The following IFT172 variants were observed in gnomAD, a reference collection of about 807,000 sequenced individuals.
The protein encoded by IFT172 is intraflagellar transport protein 172 homolog.
IFT172 carries 164 observed loss-of-function variants against 248.9 expected under a neutral mutation model. That is an observed-to-expected ratio of 0.66 (90% confidence interval 0.58 to 0.75). The LOEUF (loss-of-function observed/expected upper bound fraction) is 0.75. IFT172 is among the 30% of genes least tolerant of loss of function. The probability of loss-of-function intolerance (pLI) is 0.00; values close to 1 mark genes in which losing one functional copy is unlikely to be tolerated. For missense variants in IFT172, 1,950 were observed against 2,192.4 expected (o/e 0.89, Z 2.21); for synonymous variants, 729 against 791.6 (o/e 0.92, Z 1.33).
At chr2:27,464,522 T>C in intron 18 of IFT172, among the ~76,000 whole-genome samples, 1 of 151,972 alleles carries the variant, frequency 6.6e-6, no homozygotes. Flanking sequence ...ATTATACACA[T>C]ATGCATAGAT....
rs182323013 is a variant in IFT172, at chr2:27,485,081, G to A, written c.233C>T (p.Ser78Phe). Reference protein sequence around the residue: ...MVKGMAFSPDSTKIAIGQTDN... With the variant: ...MVKGMAFSPDFTKIAIGQTDN... ...AGTCTGTCCTATGGCAATTTTAGTG[G>A]AATCAGGAGAAAAAGCCATGCCCTT... Residue 78 changes from serine (S) to phenylalanine (F), a missense_variant, in exon 3 of 48, where the codon TCC becomes TTC. Ser to Phe is a radical substitution (Grantham distance 155, BLOSUM62 -2). Transcript: ENST00000260570. 6.8e-6 allele frequency: 11 copies of A among 1,610,492 alleles called. No homozygotes were observed. In the Admixed American group the frequency reaches 1.8e-4, roughly 27 times the overall value.
intron 26 of IFT172, 47 bp downstream of exon 26, chr2:27,458,732 T>C: frequency 6.2e-7 from 1 of 1,601,356 alleles, no homozygotes; most frequent in East Asian, 2.2e-5. Context: ...GAGGCCACAA[T>C]GCCACTAAGG....
At chr2:27,467,176 T>TA (rs1260374345) in intron 16 of IFT172, among the ~76,000 whole-genome samples, 1 of 151,850 alleles carries the variant, frequency 6.6e-6, no homozygotes, top group Admixed American at 6.6e-5. Flanking sequence ...AAATAAAACT[T>TA]AAAGAAAAAT....
chr2:27,465,677 C>G (rs901051671), intron 17 of IFT172, 69 bp downstream of exon 17: 17 of 1,601,150 alleles, frequency 1.1e-5, no homozygotes, highest in East Asian at 2.2e-5. Context: ...TTTTACACCC[C>G]ACCCCAGGTC....
At chr2:27,473,042 A>G (rs747387983) in intron 14 of IFT172, among the ~76,000 whole-genome samples, 6 of 152,076 alleles carry the variant, frequency 3.9e-5, no homozygotes, top group Non-Finnish European at 7.4e-5. Context: ...AATTGTGAAG[A>G]CCAATTTAAA....
chr2:27,485,590 C>T (rs1240908092), intron 1 of IFT172, 87 bp from the exon 2 acceptor site: 41 of 1,479,094 alleles, frequency 2.8e-5, no homozygotes, highest in Middle Eastern at 4.0e-4. Flanking sequence ...TAGTGTAATA[C>T]TGGTCAATTT....
At chr2:27,446,160 G>A (rs1665075329) in intron 43 of IFT172, 100 bp downstream of exon 43, 1 of 1,341,890 alleles carries the variant, frequency 7.5e-7, no homozygotes, top group Non-Finnish European at 1.1e-6. Context: ...CGTAACATCA[G>A]CCCTACACTC....
intron 42 of IFT172, among the ~76,000 whole-genome samples, chr2:27,447,041 C>T (rs1468138630): frequency 2.6e-5 from 4 of 151,856 alleles, no homozygotes; most frequent in Non-Finnish European, 4.4e-5. Flanking sequence ...TGGGGTTTCA[C>T]CACGTTGGCC....
In IFT172 at chr2:27,479,468, C is replaced by A. The variant is rs757158503; in HGVS notation, c.1005+41G>T. 2.2e-5 allele frequency: 24 copies of A among 1,091,990 alleles called. 1 individual carries two copies. The Middle Eastern group carries it at 7.9e-4, about 36-fold the overall frequency. 67.6% of individuals were successfully genotyped at this position (1,091,990 alleles called of 1,614,324 possible). A position where few individuals can be genotyped will look rare whatever the true frequency, so the allele number is the denominator to read the frequency against. Reference sequence around the variant, plus strand: ...GGGAAATGTTATAAGGAGGAATGAGCCACGCAAGTTCTCAGTGCAGTAGGC... The same window carrying A: ...GGGAAATGTTATAAGGAGGAATGAGACACGCAAGTTCTCAGTGCAGTAGGC... On this transcript the variant is annotated intron_variant, in intron 10 of 47. Transcript: ENST00000260570.
At chr2:27,472,910 T>G (rs1233492997) in intron 14 of IFT172, among the ~76,000 whole-genome samples, 3 of 152,146 alleles carry the variant, frequency 2.0e-5, no homozygotes, top group African/African-American at 7.2e-5. Flanking sequence ...CTGGGATGGT[T>G]TCAGGGGGTC....
At chr2:27,483,176 GTATT>G (rs925139819) in intron 7 of IFT172, 109 bp downstream of exon 7, 8 of 692,642 alleles carry the variant, frequency 1.2e-5, no homozygotes, top group African/African-American at 1.1e-4. Context: ...ACTAATTTTT[GTATT>G]TATTTTTTGT....
Position 27,483,327 on chromosome 2 carries a change from T to G in IFT172, c.532A>C (p.Arg178=), listed in dbSNP as rs150780299. The G allele has an allele frequency of 3.7e-6, 6 of 1,607,838 alleles. No homozygotes were observed. Among genetic ancestry groups the G allele is most frequent in the Non-Finnish European group, 5.1e-6 (6 of 1,174,270 alleles). The change falls in exon 7 of 48, where the codon AGG becomes CGG. Residue 178 remains arginine (R), a synonymous_variant. Transcript: ENST00000260570. ...LSGHADGTIV[R]YFFDDEGSGE... ...GAGCCTTCATCATCAAAGAAATACC[T>G]AACGATGGTACCATCTGCATGACCA... is the stretch of plus-strand genomic sequence containing the variant.
intron 35 of IFT172, 77 bp downstream of exon 35, chr2:27,453,307 G>A: frequency 6.5e-7 from 1 of 1,541,846 alleles, no homozygotes; most frequent in Non-Finnish European, 9.0e-7. Context: ...GGAAAGAGCT[G>A]AAGATGTGAG....
intron 2 of IFT172, 103 bp downstream of exon 2, chr2:27,485,257 G>T (rs140620909): frequency 6.5e-7 from 1 of 1,550,114 alleles, no homozygotes; most frequent in Non-Finnish European, 8.8e-7. Flanking sequence ...AAAAGGTGGG[G>T]TATGCCATTT....
At chr2:27,483,551 C>G in intron 6 of IFT172, 29 bp downstream of exon 6, 1 of 1,608,538 alleles carries the variant, frequency 6.2e-7, no homozygotes, top group Non-Finnish European at 8.5e-7. Context: ...CACTTCCAGA[C>G]TCTAGTGATA....
chr2:27,488,599 A>G (rs186951426), intron 1 of IFT172, among the ~76,000 whole-genome samples: 27 of 152,274 alleles, frequency 1.8e-4, no homozygotes, highest in African/African-American at 6.3e-4. Context: ...TGTCCTTTGA[A>G]TTTTGAATGT....
At chr2:27,477,497 T>C (rs1004426057) in intron 12 of IFT172, 62 bp downstream of exon 12, 1 of 1,334,498 alleles carries the variant, frequency 7.5e-7, no homozygotes, top group Non-Finnish European at 1.1e-6. Context: ...TTGCCATCTT[T>C]ATGACACAGA....
chr2:27,458,965 C>A, intron 25 of IFT172, 97 bp from the exon 26 acceptor site: 3 of 1,208,536 alleles, frequency 2.5e-6, no homozygotes, highest in South Asian at 1.4e-5. Context: ...TGGTGGAGAG[C>A]CTGCGATACA....
chr2:27,486,173 A>C (rs1668754322), intron 1 of IFT172: 1 of 167,190 alleles, frequency 6.0e-6, no homozygotes, highest in Admixed American at 6.5e-5. Context: ...TAAATAGTAG[A>C]ATAGACGGGG....
Sources: allele counts gnomAD v4.1 joint callset (sites outside exome capture counted in the v4.1 genomes callset), GRCh38; gene constraint gnomAD v4.1.1; transcripts MANE v1.5; gene names NCBI Gene and HGNC (gene_info 2026-07-23, HGNC 2026-07-21).